The following PACRGL variants were observed in gnomAD, a reference collection of about 807,000 sequenced individuals.
The protein encoded by PACRGL is PACRG-like protein.
PACRGL carries 38 observed loss-of-function variants against 34.5 expected under a neutral mutation model. The ratio of observed to expected loss-of-function variants is 1.10; its 90% CI spans 0.85 to 1.44. The LOEUF is 1.44. Among genes scored for constraint, PACRGL ranks in the 40% most tolerant of loss-of-function variants. The pLI, the probability that PACRGL is intolerant of heterozygous loss-of-function variation, is 0.00. For synonymous variants in PACRGL, 128 were observed against 100.1 expected, an observed-to-expected ratio of 1.28 and a Z score of -1.66; for missense variants, 305 against 281.4, an observed-to-expected ratio of 1.08 and a Z score of -0.60.
At chr4:20,763,563 G>A in the PACRGL span, among the ~76,000 whole-genome samples, 147 of 152,110 alleles carry the variant, frequency 9.7e-4, no homozygotes, top group Non-Finnish European at 1.9e-3. Context: ...ATCACTTAAT[G>A]TGTCTACCCC....
rs990999550 is a variant in PACRGL at position 20,700,727 on chromosome 4, C to T, written c.-77C>T. The T allele has an allele frequency of 2.0e-5, 3 of 152,156 alleles. No individual in the cohort carries two copies. The highest frequency in any genetic ancestry group is 7.2e-5 in the African/African-American group (3 of 41,444). 9.4% of individuals were successfully genotyped at this position (152,156 alleles called of 1,614,324 possible). On this transcript the variant is annotated 5_prime_UTR_variant, in exon 1 of 9. Transcript: ENST00000503585. The stretch of plus-strand genomic sequence containing the variant: ...AGATCGTGAGCGCTTGGAGTGTACC[C>T]CTCCTTTCCTGGGGTAGAGGGTCAG...
chr4:20,720,639 TG>T (rs1742607198), intron 7 of PACRGL, among the ~76,000 whole-genome samples: 1 of 152,230 alleles, frequency 6.6e-6, no homozygotes, highest in African/African-American at 2.4e-5. Context: ...TCTTTAAGGA[TG>T]TTGAATATTG....
At chr4:20,704,215 A>G (rs11941041) in intron 1 of PACRGL, among the ~76,000 whole-genome samples, 49,545 of 151,980 alleles carry the variant, frequency 0.33, 8,556 homozygotes, top group African/African-American at 0.44. Context: ...TTATTTTGAC[A>G]ATTTGAATGG....
chr4:20,717,295 C>G (rs1024698070), intron 7 of PACRGL, among the ~76,000 whole-genome samples: 3 of 152,170 alleles, frequency 2.0e-5, no homozygotes, highest in African/African-American at 7.2e-5. Flanking sequence ...CCTGTTCACT[C>G]TGATGGTAGT....
At chr4:20,744,140 TA>T (rs1417022555) in intron 8 of PACRGL, among the ~76,000 whole-genome samples, 3 of 151,396 alleles carry the variant, frequency 2.0e-5, no homozygotes, top group Non-Finnish European at 4.4e-5. Flanking sequence ...TGTGGAGAAA[TA>T]GGAACACTTT....
At position 20,732,033 on chromosome 4, in the gene PACRGL, T is replaced by C. The variant is rs961275464; in HGVS notation, c.*4692T>C. On this transcript the variant is annotated 3_prime_UTR_variant, in exon 9 of 9. Transcript: ENST00000503585. ...TTTGGCAGCTTTCAATGAACTCATCTATGGTAACAACCCCATCTTTATTTT... is the reference window on the plus strand; with the variant it reads ...TTTGGCAGCTTTCAATGAACTCATCCATGGTAACAACCCCATCTTTATTTT... 1.1e-5 allele frequency: 17 copies of C among 1,613,410 alleles called. No homozygotes were observed. Among genetic ancestry groups the C allele is most frequent in the Admixed American group, 1.7e-5 (1 of 59,938 alleles).
At chr4:20,737,317 T>G (rs1404129503), downstream of PACRGL, among the ~76,000 whole-genome samples, 1 of 152,218 alleles carries the variant, frequency 6.6e-6, no homozygotes, top group Non-Finnish European at 1.5e-5. Flanking sequence ...GGAAAAATGT[T>G]CACTGGACCA....
chr4:20,741,426 T>C (rs910482459), intron 8 of PACRGL, among the ~76,000 whole-genome samples: 5 of 152,150 alleles, frequency 3.3e-5, no homozygotes, highest in African/African-American at 9.7e-5. Context: ...CACTCAAAAC[T>C]GCACAACTAC....
chr4:20,702,563 T>TA (rs1396730081), intron 1 of PACRGL: 1 of 162,888 alleles, frequency 6.1e-6, no homozygotes, highest in Non-Finnish European at 1.3e-5. Context: ...CATATATTCT[T>TA]ACTAGTCTTC....
chr4:20,734,809 G>A, downstream of PACRGL: 1 of 800,196 alleles, frequency 1.2e-6, no homozygotes, highest in Non-Finnish European at 2.0e-6. Flanking sequence ...AATGATGTAA[G>A]TAAGGGCTAC....
chr4:20,720,829 C>G (rs911614195), intron 7 of PACRGL, among the ~76,000 whole-genome samples: 1 of 152,098 alleles, frequency 6.6e-6, no homozygotes. Context: ...CAAGAAGTAT[C>G]TTGGTGGCAT....
intron 8 of PACRGL, among the ~76,000 whole-genome samples, chr4:20,744,547 C>G (rs922407667): frequency 1.3e-5 from 2 of 151,208 alleles, no homozygotes; most frequent in Admixed American, 1.3e-4. Flanking sequence ...TGTTCTCACT[C>G]ATAGGTGGGA....
intron 8 of PACRGL, 110 bp from the exon 9 acceptor site, chr4:20,727,175 C>G: frequency 1.2e-6 from 1 of 857,824 alleles, no homozygotes; most frequent in Non-Finnish European, 1.8e-6. Context: ...TTGTTCTTAC[C>G]CCTTTTTGTT....
chr4:20,729,411 G>GAAAATTAAATGCTTATTA lies in PACRGL; in HGVS notation c.*2074_*2091dup, dbSNP rs1358117745. 2.0e-5 allele frequency: 3 copies of GAAAATTAAATGCTTATTA among 152,158 alleles called. No homozygotes were observed. The highest frequency in any genetic ancestry group is 2.9e-5 in the Non-Finnish European group (2 of 67,952). The allele number at this position is 152,158 out of a possible 1,614,324, so 9.4% of individuals were successfully genotyped here. A position where few individuals can be genotyped will look rare whatever the true frequency, so the allele number is the denominator to read the frequency against. ...TAGGCCTTGGCTGTAACATATTATG[G>GAAAATTAAATGCTTATTA]AAAATTAAATGCTTATTAAAATAAG... is the stretch of plus-strand genomic sequence containing the variant. On this transcript the variant is annotated 3_prime_UTR_variant, in exon 9 of 9. Coordinates refer to ENST00000503585, the MANE Select transcript of PACRGL (RefSeq NM_001258345.3).
At position 20,729,878 on chromosome 4, in the gene PACRGL, A is replaced by AACTC. The variant is rs1173338279; in HGVS notation, c.*2539_*2542dup. ...ATGAAATGAGTTAGACCATCCCCTGAACTCAGTGGCATTATGAAAAGGATG... is the reference window on the plus strand; with the variant it reads ...ATGAAATGAGTTAGACCATCCCCTGAACTCACTCAGTGGCATTATGAAAAGGATG... On this transcript the variant is annotated 3_prime_UTR_variant, in exon 9 of 9. Coordinates refer to ENST00000503585, the MANE Select transcript of PACRGL (RefSeq NM_001258345.3). The AACTC allele has an allele frequency of 2.1e-6, 1 of 481,164 alleles. No homozygotes were observed. The highest frequency in any genetic ancestry group is 3.6e-6 in the Non-Finnish European group (1 of 278,494). 29.8% of individuals were successfully genotyped at this position (481,164 alleles called of 1,614,324 possible).
At chr4:20,738,129 CA>C (rs200429048) in intron 8 of PACRGL, among the ~76,000 whole-genome samples, 1,177 of 115,344 alleles carry the variant, frequency 0.01, 14 homozygotes, top group Middle Eastern at 0.033. Flanking sequence ...GACTCTGTCT[CA>C]AAAAAAAAAA....
At chr4:20,746,840 C>G (rs988862169) in intron 8 of PACRGL, among the ~76,000 whole-genome samples, 8 of 152,070 alleles carry the variant, frequency 5.3e-5, no homozygotes, top group Non-Finnish European at 1.0e-4. Context: ...TGGAAAACTC[C>G]CATTACCCTT....
chr4:20,745,028 C>A (rs1029877020), intron 8 of PACRGL, among the ~76,000 whole-genome samples: 6 of 152,140 alleles, frequency 3.9e-5, no homozygotes, highest in African/African-American at 1.4e-4. Context: ...AAGAATGACT[C>A]CCCAGACTCA....
the PACRGL span, among the ~76,000 whole-genome samples, chr4:20,764,913 A>T: frequency 2.2e-4 from 33 of 152,156 alleles, no homozygotes; most frequent in Non-Finnish European, 4.0e-4. Flanking sequence ...GATAAAATAA[A>T]CAACTCCATT....
Sources: gnomAD v4.1 joint callset for allele counts (sites outside exome capture counted in the v4.1 genomes callset) on GRCh38, gnomAD v4.1.1 for gene constraint, MANE v1.5 for transcripts, NCBI Gene and HGNC (gene_info 2026-07-23, HGNC 2026-07-21) for gene names.